EBF1: variants seen among roughly 807,000 people sequenced by gnomAD.
The protein encoded by EBF1 is transcription factor COE1.
Under a neutral mutation model 68.4 loss-of-function variants are expected in EBF1, and 10 were observed. The ratio of observed to expected loss-of-function variants is 0.15; its 90% CI spans 0.09 to 0.25. EBF1 has a LOEUF of 0.25. Ranked by LOEUF, EBF1 falls within the 10% of genes least tolerant of loss-of-function variation. The pLI is 1.00. For synonymous variants in EBF1, 298 were observed against 299.8 expected, an observed-to-expected ratio of 0.99 and a Z score of 0.06; for missense variants, 509 against 794.4, an observed-to-expected ratio of 0.64 and a Z score of 4.32.
In EBF1 at chr5:158,769,445, A is replaced by T. The variant is rs185867570; in HGVS notation, c.1036+7968T>A. Among the ~76,000 whole-genome samples, 295 of 152,278 alleles carry T rather than the reference A, an allele frequency of 1.9e-3. 1 individual carries two copies. Among genetic ancestry groups the T allele is most frequent in the African/African-American group, 5.8e-3 (242 of 41,564 alleles). Reference sequence around the variant, plus strand: ...TATACTGGCTACTCAAGTCCTGATTACACTCCACTCCAAATAGGAAATAAA... The same window carrying T: ...TATACTGGCTACTCAAGTCCTGATTTCACTCCACTCCAAATAGGAAATAAA... On this transcript the variant is annotated intron_variant, in intron 10 of 15. Transcript: ENST00000313708.
chr5:158,969,623 A>C (rs182294300), intron 6 of EBF1, among the ~76,000 whole-genome samples: 34 of 150,608 alleles, frequency 2.3e-4, no homozygotes, highest in African/African-American at 8.3e-4. Flanking sequence ...AAAAAAGCAA[A>C]AATTAGTTGA....
intron 7 of EBF1, among the ~76,000 whole-genome samples, chr5:158,834,819 A>G (rs1226521137): frequency 6.6e-6 from 1 of 152,220 alleles, no homozygotes; most frequent in Admixed American, 6.5e-5. Context: ...TTGCTATATG[A>G]AGATCAGGCT....
intron 6 of EBF1, among the ~76,000 whole-genome samples, chr5:158,883,884 C>T (rs372873593): frequency 6.6e-6 from 1 of 152,106 alleles, no homozygotes; most frequent in African/African-American, 2.4e-5. Context: ...TTATAAGAGC[C>T]ATATATACTA....
chr5:158,724,884 T>G (rs995242085), intron 11 of EBF1, among the ~76,000 whole-genome samples: 11 of 152,356 alleles, frequency 7.2e-5, no homozygotes, highest in African/African-American at 2.6e-4. Flanking sequence ...ATATTCAGCA[T>G]GAGGCTAATG....
chr5:159,095,012 A>G (rs1295792419), intron 4 of EBF1, among the ~76,000 whole-genome samples: 2 of 152,176 alleles, frequency 1.3e-5, no homozygotes, highest in African/African-American at 4.8e-5. Flanking sequence ...CCACAAGCTC[A>G]CTCATGCTGC....
At chr5:158,929,855 C>T (rs779089491) in intron 6 of EBF1, among the ~76,000 whole-genome samples, 3 of 152,166 alleles carry the variant, frequency 2.0e-5, no homozygotes, top group African/African-American at 4.8e-5. Context: ...GTACATAATT[C>T]GGTTTCATTA....
chr5:159,022,377 C>A (rs1398103661), intron 6 of EBF1, among the ~76,000 whole-genome samples: 1 of 152,204 alleles, frequency 6.6e-6, no homozygotes, highest in East Asian at 1.9e-4. Flanking sequence ...CAAGTTCTGA[C>A]ACTAGGCATA....
chr5:158,751,505 G>A (rs966043210), intron 10 of EBF1, among the ~76,000 whole-genome samples: 2 of 152,026 alleles, frequency 1.3e-5, no homozygotes, highest in Non-Finnish European at 2.9e-5. Context: ...AAAGACATAC[G>A]TAGTTATAGA....
intron 6 of EBF1, among the ~76,000 whole-genome samples, chr5:158,979,580 A>G (rs187228083): frequency 6.6e-6 from 1 of 152,166 alleles, no homozygotes; most frequent in Non-Finnish European, 1.5e-5. Flanking sequence ...GCACTTTATC[A>G]GATTAGACTG....
chr5:158,722,412 C>G (rs1762109814), intron 11 of EBF1, among the ~76,000 whole-genome samples: 1 of 152,150 alleles, frequency 6.6e-6, no homozygotes, highest in African/African-American at 2.4e-5. Context: ...TGAATAAATA[C>G]CGAGCTTAAA....
chr5:159,047,248 C>T (rs1329972520), intron 6 of EBF1, among the ~76,000 whole-genome samples: 4 of 152,124 alleles, frequency 2.6e-5, no homozygotes, highest in South Asian at 2.1e-4. Context: ...AAGGAATGTC[C>T]GTGACAGAAG....
chr5:158,877,886 C>A (rs903212807), intron 6 of EBF1, among the ~76,000 whole-genome samples: 1 of 151,822 alleles, frequency 6.6e-6, no homozygotes, highest in Non-Finnish European at 1.5e-5. Flanking sequence ...ATATATTGCT[C>A]TGGAAATAAT....
intron 10 of EBF1, among the ~76,000 whole-genome samples, chr5:158,742,674 C>T (rs994721563): frequency 1.4e-4 from 21 of 152,098 alleles, no homozygotes; most frequent in Admixed American, 3.3e-4. Flanking sequence ...TCTAGAACAG[C>T]GGGTGTGTTA....
chr5:159,030,650 C>T (rs376055049), intron 6 of EBF1, among the ~76,000 whole-genome samples: 1 of 152,314 alleles, frequency 6.6e-6, no homozygotes, highest in East Asian at 1.9e-4. Context: ...TGAGCAAGTA[C>T]TGAATGTGTC....
chr5:159,028,619 C>T (rs1446979003), intron 6 of EBF1, among the ~76,000 whole-genome samples: 1 of 152,168 alleles, frequency 6.6e-6, no homozygotes, highest in Non-Finnish European at 1.5e-5. Flanking sequence ...AACAGAGAGA[C>T]TTCATCTGTT....
chr5:158,945,790 C>G (rs202055830), intron 6 of EBF1, among the ~76,000 whole-genome samples: 1 of 152,162 alleles, frequency 6.6e-6, no homozygotes, highest in East Asian at 1.9e-4. Context: ...CAACTTGGTT[C>G]CATTCTCCCC....
intron 6 of EBF1, among the ~76,000 whole-genome samples, chr5:158,960,682 T>C (rs2127533227): frequency 6.6e-6 from 1 of 152,360 alleles, no homozygotes; most frequent in African/African-American, 2.4e-5. Flanking sequence ...AGTGACTTGC[T>C]CTTAACAAAT....
chr5:158,901,754 C>T (rs1246768702), intron 6 of EBF1, among the ~76,000 whole-genome samples: 1 of 152,118 alleles, frequency 6.6e-6, no homozygotes, highest in Non-Finnish European at 1.5e-5. Flanking sequence ...GCAGTAACTT[C>T]CCCCGGTTTA....
intron 6 of EBF1, among the ~76,000 whole-genome samples, chr5:159,039,463 A>G (rs13177707): frequency 0.22 from 32,847 of 152,228 alleles, 3,845 homozygotes; most frequent in East Asian, 0.43. Context: ...TTTTGCATGC[A>G]TTACATTTCC....
Sources: gnomAD v4.1 joint callset for allele counts (sites outside exome capture counted in the v4.1 genomes callset) on GRCh38, gnomAD v4.1.1 for gene constraint, MANE v1.5 for transcripts, NCBI Gene and HGNC (gene_info 2026-07-23, HGNC 2026-07-21) for gene names.